OR6Q1: variants seen among roughly 807,000 people sequenced by gnomAD.
The protein encoded by OR6Q1 is olfactory receptor family 6 subfamily Q member 1, also known as olfactory receptor 6Q1.
For synonymous variants in OR6Q1, 144 were observed against 148.9 expected, an observed-to-expected ratio of 0.97 and a Z score of 0.24; for missense variants, 387 against 381.7, an observed-to-expected ratio of 1.01 and a Z score of -0.12.
rs1478414211 is a variant in OR6Q1, at chr11:58,031,356, A to T, written c.404A>T (p.His135Leu). ...TATGTGGCCATTTGTATGCCTCTCC[A>T]CTATGGGGCTTTTGTGTCCTGGGGC... The part of the protein sequence containing the change: ...DRYVAICMPL[H>L]YGAFVSWGTC... Residue 135 changes from histidine to leucine, a missense_variant, in exon 1 of 1, where the codon CAC becomes CTC. By Grantham distance (99) the His-to-Leu change is moderately conservative. Transcript: ENST00000302622. The T allele has an allele frequency of 3.1e-6, 5 of 1,614,054 alleles. No individual in the cohort carries two copies. The highest frequency in any genetic ancestry group is 1.1e-5 in the South Asian group (1 of 91,078).
chr11:58,031,430 C>A lies in OR6Q1; in HGVS notation c.478C>A (p.Pro160Thr), dbSNP rs747615226. Reference sequence around the variant, plus strand: ...CTGTTGGCTGGTAGGTTTCCTCACACCCATCTTGCCAATCTACCTCTTGTC... The same window carrying A: ...CTGTTGGCTGGTAGGTTTCCTCACAACCATCTTGCCAATCTACCTCTTGTC... Reference protein sequence around the residue: ...AACWLVGFLTPILPIYLLSQL... With the variant: ...AACWLVGFLTTILPIYLLSQL... The change falls in exon 1 of 1, where the codon CCC (proline) becomes ACC (threonine). Residue 160 changes from proline to threonine, a missense_variant. Coordinates refer to ENST00000302622, the MANE Select transcript of OR6Q1 (RefSeq NM_001005186.2). 1.2e-6 allele frequency: 2 copies of A among 1,614,080 alleles called. No individual in the cohort carries two copies. The highest frequency in any genetic ancestry group is 3.3e-5 in the Admixed American group (2 of 60,028).
Position 58,031,614 on chromosome 11 carries a change from C to T in OR6Q1, c.662C>T (p.Ser221Phe). ...GCCTCCTCTATGGTCATTGCTGTGT[C>T]CTATGGCAACATCGTCTGGACACTG... Reference protein sequence around the residue: ...LLASSMVIAVSYGNIVWTLLH... With the variant: ...LLASSMVIAVFYGNIVWTLLH... Residue 221 changes from serine to phenylalanine, a missense_variant, in exon 1 of 1, where the codon TCC becomes TTC. Transcript: ENST00000302622. The T allele has an allele frequency of 6.2e-7, 1 of 1,612,568 alleles. No individual in the cohort carries two copies. The highest frequency in any genetic ancestry group is 8.5e-7 in the Non-Finnish European group (1 of 1,179,308).
In OR6Q1 at chr11:58,031,043, A is replaced by G; in HGVS notation, c.91A>G (p.Ile31Val). The change falls in exon 1 of 1, where the codon ATA becomes GTA. Residue 31 changes from isoleucine (I) to valine (V), a missense_variant. Transcript: ENST00000302622. ...CCATGAAGCACACCTCCTCTTCTTC[A>G]TACTCTTCCTCACCATGTACCTGTT... ...GIHEAHLLFF[I>V]LFLTMYLFTL... The G allele has an allele frequency of 6.2e-7, 1 of 1,614,122 alleles. No homozygotes were observed. Among genetic ancestry groups the G allele is most frequent in the Non-Finnish European group, 8.5e-7 (1 of 1,179,982 alleles).
Position 58,031,199 on chromosome 11 carries a change from A to G in OR6Q1, c.247A>G (p.Met83Val). The G allele has an allele frequency of 6.2e-7, 1 of 1,614,168 alleles. No individual in the cohort carries two copies. Among genetic ancestry groups the G allele is most frequent in the Non-Finnish European group, 8.5e-7 (1 of 1,180,014 alleles). ...GTACACTTCTGTTACAGTGCCCAAG[A>G]TGCTGGCTGGTTTTATTGGGGTGGA... is the stretch of plus-strand genomic sequence containing the variant. ...IWYTSVTVPK[M>V]LAGFIGVDGG... Residue 83 changes from methionine (M) to valine (V), a missense_variant, in exon 1 of 1, where the codon ATG becomes GTG. Transcript: ENST00000302622.
rs1382261920 is a variant in OR6Q1, at chr11:58,031,498, C to T, written c.546C>T (p.Ser182=). The T allele has an allele frequency of 5.0e-6, 8 of 1,614,056 alleles. No homozygotes were observed. The African/African-American group carries it at 9.3e-5, about 19-fold the overall frequency. Residue 182 remains serine, a synonymous_variant, in exon 1 of 1, where the codon TCC becomes TCT. Coordinates refer to ENST00000302622, the MANE Select transcript of OR6Q1 (RefSeq NM_001005186.2). ...GCCCAAATGTCATTGACCATTTCTC[C>T]TGTGATGCCTCACCCTTGCTAGCCT... ...FYGPNVIDHF[S]CDASPLLALS... is the part of the protein sequence containing the mutation.
At position 58,031,824 on chromosome 11, in the gene OR6Q1, C is replaced by A; in HGVS notation, c.872C>A (p.Pro291His). The change falls in exon 1 of 1, where the codon CCT becomes CAT. Residue 291 changes from proline to histidine, a missense_variant. Transcript: ENST00000302622. ...TCTGTTGTCACGCCCATGCTCAATC[C>A]TCTCATCTACAGTCTTAGGAACAAG... Reference protein sequence around the residue: ...FYSVVTPMLNPLIYSLRNKEV... With the variant: ...FYSVVTPMLNHLIYSLRNKEV... 1.2e-6 allele frequency: 2 copies of A among 1,614,116 alleles called. No individual in the cohort carries two copies. Among genetic ancestry groups the A allele is most frequent in the Non-Finnish European group, 1.7e-6 (2 of 1,179,980 alleles).
Position 58,031,826 on chromosome 11 carries a change from C to T in OR6Q1, c.874C>T (p.Leu292Phe), listed in dbSNP as rs960938988. Residue 292 changes from leucine to phenylalanine, a missense_variant, in exon 1 of 1, where the codon CTC (leucine) becomes TTC (phenylalanine). By Grantham distance (22) the Leu-to-Phe change is conservative. Coordinates refer to ENST00000302622, the MANE Select transcript of OR6Q1 (RefSeq NM_001005186.2). The part of the protein sequence containing the change: ...YSVVTPMLNP[L>F]IYSLRNKEVK... ...TGTTGTCACGCCCATGCTCAATCCT[C>T]TCATCTACAGTCTTAGGAACAAGGA... 3 of 1,614,168 alleles carry T rather than the reference C, an allele frequency of 1.9e-6. No individual in the cohort carries two copies. In the Admixed American group the frequency reaches 5.0e-5, roughly 27 times the overall value.
In OR6Q1 at chr11:58,031,887, A is replaced by G. The variant is rs771989151; in HGVS notation, c.935A>G (p.Asn312Ser). ...GCTCTGGGTCGAGTCTTTTCTCTCA[A>G]CTTTTGGAAGGGACAGTGAGGAGGC... ...KGALGRVFSL[N>S]FWKGQ The change falls in exon 1 of 1, where the codon AAC (asparagine) becomes AGC (serine). Residue 312 changes from asparagine to serine, a missense_variant. Asn to Ser is a conservative substitution (Grantham distance 46, BLOSUM62 1). Transcript: ENST00000302622. The G allele has an allele frequency of 6.2e-7, 1 of 1,611,592 alleles. No homozygotes were observed. Among genetic ancestry groups the G allele is most frequent in the Non-Finnish European group, 8.5e-7 (1 of 1,178,084 alleles).
Position 58,031,812 on chromosome 11 carries a change from C to T in OR6Q1, c.860C>T (p.Pro287Leu). ...VVSVFYSVVT[P>L]MLNPLIYSLR... Reference sequence around the variant, plus strand: ...TCTGTCTTCTACTCTGTTGTCACGCCCATGCTCAATCCTCTCATCTACAGT... The same window carrying T: ...TCTGTCTTCTACTCTGTTGTCACGCTCATGCTCAATCCTCTCATCTACAGT... The change falls in exon 1 of 1, where the codon CCC becomes CTC. Residue 287 changes from proline (P) to leucine (L), a missense_variant. Coordinates refer to ENST00000302622, the MANE Select transcript of OR6Q1 (RefSeq NM_001005186.2). 1 of 1,614,108 alleles carries T rather than the reference C, an allele frequency of 6.2e-7. No individual in the cohort carries two copies. The highest frequency in any genetic ancestry group is 8.5e-7 in the Non-Finnish European group (1 of 1,179,950).
chr11:58,031,400 G>A lies in OR6Q1; in HGVS notation c.448G>A (p.Ala150Thr). 6.2e-7 allele frequency: 1 copy of A among 1,614,176 alleles called. No individual in the cohort carries two copies. Among genetic ancestry groups the A allele is most frequent in the Non-Finnish European group, 8.5e-7 (1 of 1,180,024 alleles). ...VSWGTCIRLA[A>T]ACWLVGFLTP... ...CTGGGGCACCTGCATCCGTCTGGCA[G>A]CTGCCTGTTGGCTGGTAGGTTTCCT... The change falls in exon 1 of 1, where the codon GCT becomes ACT. Residue 150 changes from alanine to threonine, a missense_variant. Coordinates refer to ENST00000302622, the MANE Select transcript of OR6Q1 (RefSeq NM_001005186.2).
chr11:58,031,055 A>C lies in OR6Q1; in HGVS notation c.103A>C (p.Thr35Pro). 1.9e-6 allele frequency: 3 copies of C among 1,614,050 alleles called. No individual in the cohort carries two copies. The highest frequency in any genetic ancestry group is 2.5e-6 in the Non-Finnish European group (3 of 1,179,986). The change falls in exon 1 of 1, where the codon ACC becomes CCC. Residue 35 changes from threonine to proline, a missense_variant. Thr to Pro is a conservative substitution (Grantham distance 38). Coordinates refer to ENST00000302622, the MANE Select transcript of OR6Q1 (RefSeq NM_001005186.2). ...AHLLFFILFLTMYLFTLVENL... is the reference protein window; with the variant it reads ...AHLLFFILFLPMYLFTLVENL... ...CCTCCTCTTCTTCATACTCTTCCTC[A>C]CCATGTACCTGTTCACCTTGGTGGA...
Position 58,031,402 on chromosome 11 carries a change from TGCCTGTTGGCTG to T in OR6Q1, c.452_463del (p.Ala151_Leu154del), listed in dbSNP as rs1231867352. 1.2e-6 allele frequency: 2 copies of T among 1,614,246 alleles called. No homozygotes were observed. The highest frequency in any genetic ancestry group is 1.7e-6 in the Non-Finnish European group (2 of 1,180,032). On this transcript the variant is annotated inframe_deletion, in exon 1 of 1. Transcript: ENST00000302622. ...GGGGCACCTGCATCCGTCTGGCAGC[TGCCTGTTGGCTG>T]GTAGGTTTCCTCACACCCATCTTGC...
chr11:58,031,075 G>T lies in OR6Q1; in HGVS notation c.123G>T (p.Leu41Phe). ...TCCTCACCATGTACCTGTTCACCTTGGTGGAGAATTTGGCCATCATTTTAG... is the reference window on the plus strand; with the variant it reads ...TCCTCACCATGTACCTGTTCACCTTTGTGGAGAATTTGGCCATCATTTTAG... ...ILFLTMYLFT[L>F]VENLAIILVV... is the part of the protein sequence containing the mutation. The change falls in exon 1 of 1, where the codon TTG (leucine) becomes TTT (phenylalanine). Residue 41 changes from leucine (L) to phenylalanine (F), a missense_variant. By Grantham distance (22) the Leu-to-Phe change is conservative. Coordinates refer to ENST00000302622, the MANE Select transcript of OR6Q1 (RefSeq NM_001005186.2). 6.2e-7 allele frequency: 1 copy of T among 1,614,136 alleles called. No individual in the cohort carries two copies.
chr11:58,031,376 TG>T lies in OR6Q1; in HGVS notation c.428del (p.Gly143AlafsTer13). 1 of 1,614,222 alleles carries T rather than the reference TG, an allele frequency of 6.2e-7. No individual in the cohort carries two copies. Among genetic ancestry groups the T allele is most frequent in the Non-Finnish European group, 8.5e-7 (1 of 1,180,026 alleles). ...TCTCCACTATGGGGCTTTTGTGTCCTGGGGCACCTGCATCCGTCTGGCAGCT... is the reference window on the plus strand; with the variant it reads ...TCTCCACTATGGGGCTTTTGTGTCCTGGGCACCTGCATCCGTCTGGCAGCT... ...MPLHYGAFVS[W>X]GTCIRLAAAC... is the part of the protein sequence containing the mutation. On this transcript the variant is annotated frameshift_variant, in exon 1 of 1. Transcript: ENST00000302622. LOFTEE classifies it low-confidence loss of function (END_TRUNC).
At position 58,031,451 on chromosome 11, in the gene OR6Q1, T is replaced by A. The variant is rs61748337; in HGVS notation, c.499T>A (p.Leu167Met). The change falls in exon 1 of 1, where the codon TTG becomes ATG. Residue 167 changes from leucine to methionine, a missense_variant. Physicochemically the swap from Leu to Met is conservative, Grantham distance 15. Transcript: ENST00000302622. ...FLTPILPIYL[L>M]SQLTFYGPNV... ...CACACCCATCTTGCCAATCTACCTC[T>A]TGTCTCAGCTAACATTTTATGGCCC... is the stretch of plus-strand genomic sequence containing the variant. The A allele has an allele frequency of 3.1e-4, 497 of 1,614,178 alleles. 7 individuals carry two copies. The African/African-American group carries it at 5.3e-3, about 17-fold the overall frequency.
Position 58,031,497 on chromosome 11 carries a change from C to G in OR6Q1, c.545C>G (p.Ser182Cys). The change falls in exon 1 of 1, where the codon TCC (serine) becomes TGC (cysteine). Residue 182 changes from serine (S) to cysteine (C), a missense_variant. Ser to Cys is a moderately radical substitution (Grantham distance 112, BLOSUM62 -1). Transcript: ENST00000302622. ...FYGPNVIDHF[S>C]CDASPLLALS... ...GGCCCAAATGTCATTGACCATTTCTCCTGTGATGCCTCACCCTTGCTAGCC... is the reference window on the plus strand; with the variant it reads ...GGCCCAAATGTCATTGACCATTTCTGCTGTGATGCCTCACCCTTGCTAGCC... The G allele has an allele frequency of 6.2e-7, 1 of 1,614,170 alleles. No individual in the cohort carries two copies. Among genetic ancestry groups the G allele is most frequent in the Admixed American group, 1.7e-5 (1 of 60,018 alleles).
Position 58,031,120 on chromosome 11 carries a change from A to G in OR6Q1, c.168A>G (p.Arg56=). Reference sequence around the variant, plus strand: ...TTTTAGTGGTGGGTTTGGACCACCGACTACGGAGACCCATGTATTTCTTCC... The same window carrying G: ...TTTTAGTGGTGGGTTTGGACCACCGGCTACGGAGACCCATGTATTTCTTCC... ...AIILVVGLDH[R]LRRPMYFFLT... is the part of the protein sequence containing the mutation. Residue 56 remains arginine, a synonymous_variant, in exon 1 of 1, where the codon CGA becomes CGG. Transcript: ENST00000302622. 5 of 1,614,246 alleles carry G rather than the reference A, an allele frequency of 3.1e-6. No homozygotes were observed. Among genetic ancestry groups the G allele is most frequent in the Non-Finnish European group, 4.2e-6 (5 of 1,180,040 alleles).
At position 58,030,979 on chromosome 11, in the gene OR6Q1, C is replaced by A. The variant is rs994660497; in HGVS notation, c.27C>A (p.Thr9=). 7 of 1,613,852 alleles carry A rather than the reference C, an allele frequency of 4.3e-6. No homozygotes were observed. Among genetic ancestry groups the A allele is most frequent in the Non-Finnish European group, 4.2e-6 (5 of 1,179,772 alleles). MQPYTKNW[T]QVTEFVMMGF... is the part of the protein sequence containing the mutation. The stretch of plus-strand genomic sequence containing the variant: ...TGCAACCATATACCAAAAACTGGAC[C>A]CAGGTAACTGAATTTGTCATGATGG... Residue 9 remains threonine, a synonymous_variant, in exon 1 of 1, where the codon ACC becomes ACA. Coordinates refer to ENST00000302622, the MANE Select transcript of OR6Q1 (RefSeq NM_001005186.2).
In OR6Q1 at chr11:58,031,491, A is replaced by G. The variant is rs1289048473; in HGVS notation, c.539A>G (p.His180Arg). ...LTFYGPNVID[H>R]FSCDASPLLA... is the part of the protein sequence containing the mutation. The stretch of plus-strand genomic sequence containing the variant: ...TTTTATGGCCCAAATGTCATTGACC[A>G]TTTCTCCTGTGATGCCTCACCCTTG... The change falls in exon 1 of 1, where the codon CAT becomes CGT. Residue 180 changes from histidine to arginine, a missense_variant. Transcript: ENST00000302622. 5 of 1,613,926 alleles carry G rather than the reference A, an allele frequency of 3.1e-6. No homozygotes were observed. Among genetic ancestry groups the G allele is most frequent in the South Asian group, 1.1e-5 (1 of 91,066 alleles).
Sources: allele counts gnomAD v4.1 joint callset, GRCh38; gene constraint gnomAD v4.1.1; transcripts MANE v1.5; gene names NCBI Gene and HGNC (gene_info 2026-07-23, HGNC 2026-07-21).